Variants in ABCC2 observed in about 807,000 individuals in gnomAD.
ABCC2 encodes the protein ATP-binding cassette sub-family C member 2.
A neutral mutation model predicts 173.4 loss-of-function variants in ABCC2; 157 were observed. The observed-to-expected ratio is 0.91, with a 90% confidence interval of 0.80 to 1.03. The LOEUF (loss-of-function observed/expected upper bound fraction) is 1.03. Ranked by LOEUF, ABCC2 falls within the 50% of genes least tolerant of loss-of-function variation. ABCC2 has a pLI of 0.00. For synonymous variants in ABCC2, 657 were observed against 693.5 expected (o/e 0.95, Z 0.83); for missense variants, 1,822 against 1,852.3 (o/e 0.98, Z 0.30).
At chr10:99,815,577 T>A (rs949690136) in intron 16 of ABCC2, among the ~76,000 whole-genome samples, 1 of 152,180 alleles carries the variant, frequency 6.6e-6, no homozygotes, top group Non-Finnish European at 1.5e-5. Flanking sequence ...AGAGCTAAAT[T>A]TAGGGAAAAT....
intron 1 of ABCC2, among the ~76,000 whole-genome samples, chr10:99,783,344 G>A (rs184888409): frequency 1.3e-5 from 2 of 152,298 alleles, no homozygotes; most frequent in Admixed American, 1.3e-4. Context: ...GGCATCATGA[G>A]CATTGAAATA....
intron 3 of ABCC2, 45 bp downstream of exon 3, chr10:99,792,404 ATAGGCATC>A: frequency 6.2e-7 from 1 of 1,606,930 alleles, no homozygotes. Flanking sequence ...TTCATTACCC[ATAGGCATC>A]TAGGTGAAAT....
At chr10:99,795,003 G>C (rs1325952206) in intron 6 of ABCC2, among the ~76,000 whole-genome samples, 1 of 152,078 alleles carries the variant, frequency 6.6e-6, no homozygotes, top group Non-Finnish European at 1.5e-5. Context: ...GTAGCCTAGG[G>C]GTCCCACAGG....
intron 6 of ABCC2, among the ~76,000 whole-genome samples, chr10:99,794,819 G>T (rs962519712): frequency 1.3e-5 from 2 of 152,156 alleles, no homozygotes; most frequent in Admixed American, 6.6e-5. Flanking sequence ...GGGATTACAG[G>T]CATGAGCTAC....
chr10:99,794,359 C>T, intron 5 of ABCC2, 54 bp from the exon 6 acceptor site: 1 of 1,476,722 alleles, frequency 6.8e-7, no homozygotes, highest in South Asian at 1.1e-5. Context: ...TTTAGAGTCC[C>T]ATGAAGTTCC....
intron 16 of ABCC2, among the ~76,000 whole-genome samples, chr10:99,814,131 GTGTA>G (rs1211163629): frequency 2.5e-4 from 28 of 110,706 alleles, no homozygotes; most frequent in African/African-American, 4.8e-4. Context: ...ACACATATGT[GTGTA>G]TATATACACA....
chr10:99,834,485 G>C lies in ABCC2; in HGVS notation c.3364G>C (p.Val1122Leu). The change falls in exon 24 of 32, where the codon GTC becomes CTC. Residue 1122 changes from valine (V) to leucine (L), a missense_variant. Physicochemically the swap from Val to Leu is conservative, Grantham distance 32. Transcript: ENST00000647814. ...TLVMICMATP[V>L]FTIIVIPLGI... is the part of the protein sequence containing the mutation. ...TGTCATGATCTGCATGGCCACTCCT[G>C]TCTTCACCATCATCGTCATTCCTCT... 6.2e-7 allele frequency: 1 copy of C among 1,614,176 alleles called. No homozygotes were observed. The highest frequency in any genetic ancestry group is 2.2e-5 in the East Asian group (1 of 44,876).
intron 5 of ABCC2, 99 bp from the exon 6 acceptor site, chr10:99,794,314 C>A: frequency 8.7e-7 from 1 of 1,144,754 alleles, no homozygotes; most frequent in Non-Finnish European, 1.3e-6. Flanking sequence ...TAGTTTCTAG[C>A]ACAACATTAT....
chr10:99,822,147 G>A (rs1373525527), intron 19 of ABCC2, among the ~76,000 whole-genome samples: 5 of 152,186 alleles, frequency 3.3e-5, no homozygotes, highest in Admixed American at 3.3e-4. Flanking sequence ...CCCGAATTAA[G>A]GGCGGGAAAG....
chr10:99,799,435 T>A, intron 8 of ABCC2, 65 bp downstream of exon 8: 1 of 1,559,038 alleles, frequency 6.4e-7, no homozygotes, highest in African/African-American at 1.4e-5. Flanking sequence ...TTTGCCACTG[T>A]GTATGCAAGC....
chr10:99,846,097 T>C (rs983450197), intron 29 of ABCC2, among the ~76,000 whole-genome samples: 8 of 152,222 alleles, frequency 5.3e-5, no homozygotes, highest in African/African-American at 1.9e-4. Flanking sequence ...CATTAGCAGT[T>C]TTGCCGCTGA....
chr10:99,786,564 TC>T (rs1157777386), intron 2 of ABCC2, among the ~76,000 whole-genome samples: 4 of 152,200 alleles, frequency 2.6e-5, no homozygotes, highest in Non-Finnish European at 5.9e-5. Flanking sequence ...ACCATACAGT[TC>T]TCTCATTTAA....
intron 2 of ABCC2, among the ~76,000 whole-genome samples, chr10:99,785,644 G>A (rs1027737134): frequency 2.0e-5 from 3 of 151,960 alleles, no homozygotes; most frequent in African/African-American, 4.8e-5. Flanking sequence ...AACCCCTCCC[G>A]AGTAGCTGGG....
Position 99,814,181 on chromosome 10 carries a change from A to ATATATACACTTATATATACACACATATG in ABCC2, c.2094+1038_2094+1039insATATACACTTATATATACACACATATGT, listed in dbSNP as rs1564683454. Among the ~76,000 whole-genome samples the ATATATACACTTATATATACACACATATG allele has an allele frequency of 1.0e-4, 13 of 124,506 alleles. 2 individuals carry two copies. The highest frequency in any genetic ancestry group is 3.7e-4 in the African/African-American group (12 of 32,254). 81.7% of individuals were successfully genotyped at this position (124,506 alleles called of 152,430 possible). A position where few individuals can be genotyped will look rare whatever the true frequency, so the allele number is the denominator to read the frequency against. On this transcript the variant is annotated intron_variant, in intron 16 of 31. Transcript: ENST00000647814. ...TACACACGTATATATACACACATGT[A>ATATATACACTTATATATACACACATATG]TGTATACACACATGTGTATATATAC...
intron 15 of ABCC2, among the ~76,000 whole-genome samples, chr10:99,811,911 G>A (rs34660705): frequency 2.6e-5 from 4 of 152,276 alleles, no homozygotes; most frequent in South Asian, 2.1e-4. Flanking sequence ...GGTGGCCGGC[G>A]TCTCTGGGTA....
chr10:99,800,289 A>T, intron 8 of ABCC2, 97 bp from the exon 9 acceptor site: 1 of 1,290,834 alleles, frequency 7.7e-7, no homozygotes, highest in Non-Finnish European at 1.1e-6. Flanking sequence ...TTTGTTACCT[A>T]CAGTGTAAAG....
At chr10:99,839,080 A>G (rs1209141297) in intron 25 of ABCC2, among the ~76,000 whole-genome samples, 7 of 115,862 alleles carry the variant, frequency 6.0e-5, no homozygotes, top group Admixed American at 1.7e-4. Context: ...CTGGCCGGGC[A>G]GGGGGGCAGA....
chr10:99,830,468 C>T (rs2038719589), intron 20 of ABCC2, 35 bp downstream of exon 20: 2 of 1,613,932 alleles, frequency 1.2e-6, no homozygotes, highest in East Asian at 2.2e-5. Context: ...CCCTCGTCAG[C>T]TCTATATTTC....
chr10:99,833,745 A>G (rs1254673713), intron 23 of ABCC2, among the ~76,000 whole-genome samples: 1 of 152,216 alleles, frequency 6.6e-6, no homozygotes, highest in Non-Finnish European at 1.5e-5. Flanking sequence ...GAGAAATTCC[A>G]GAGATAACTT....
Sources: gnomAD v4.1 joint callset for allele counts (sites outside exome capture counted in the v4.1 genomes callset) on GRCh38, gnomAD v4.1.1 for gene constraint, MANE v1.5 for transcripts, NCBI Gene and HGNC (gene_info 2026-07-23, HGNC 2026-07-21) for gene names.